FAM78B: variants seen among roughly 807,000 people sequenced by gnomAD.
FAM78B encodes the protein family with sequence similarity 78 member B, also known as protein FAM78B.
FAM78B carries 10 observed loss-of-function variants against 20.0 expected under a neutral mutation model. The ratio of observed to expected loss-of-function variants is 0.50; its 90% CI spans 0.31 to 0.85. FAM78B has a LOEUF of 0.85. FAM78B is among the 40% of genes least tolerant of loss of function. The pLI, the probability that FAM78B is intolerant of heterozygous loss-of-function variation, is 0.05. For missense variants in FAM78B, 283 were observed against 345.0 expected, an observed-to-expected ratio of 0.82 and a Z score of 1.42; for synonymous variants, 135 against 132.8, an observed-to-expected ratio of 1.02 and a Z score of -0.12.
intron 1 of FAM78B, among the ~76,000 whole-genome samples, chr1:166,107,991 C>A (rs1653853923): frequency 6.6e-6 from 1 of 152,090 alleles, no homozygotes; most frequent in South Asian, 2.1e-4. Context: ...AAGGGACATA[C>A]CTTAATGTAA....
chr1:166,130,287 C>G (rs1654824940), intron 1 of FAM78B, among the ~76,000 whole-genome samples: 1 of 152,244 alleles, frequency 6.6e-6, no homozygotes, highest in African/African-American at 2.4e-5. Context: ...AAGTCACTTG[C>G]TGGACCACAT....
chr1:166,069,837 G>C lies in FAM78B; in HGVS notation c.*404C>G. The C allele has an allele frequency of 3.2e-6, 1 of 310,218 alleles. No homozygotes were observed. Among genetic ancestry groups the C allele is most frequent in the Non-Finnish European group, 4.7e-6 (1 of 210,688 alleles). 19.2% of individuals were successfully genotyped at this position (310,218 alleles called of 1,614,324 possible). On this transcript the variant is annotated 3_prime_UTR_variant, in exon 2 of 2. Transcript: ENST00000354422. ...GCAGGAGTCTGTCTTACGACCACCTGGTGTGGATGTTTTCACTCCTACTTC... is the reference window on the plus strand; with the variant it reads ...GCAGGAGTCTGTCTTACGACCACCTCGTGTGGATGTTTTCACTCCTACTTC...
In FAM78B at chr1:166,071,321, T is replaced by C. The variant is rs188459449; in HGVS notation, c.264-558A>G. Among the ~76,000 whole-genome samples the C allele has an allele frequency of 1.6e-3, 243 of 152,376 alleles. 1 individual carries two copies. Among genetic ancestry groups the C allele is most frequent in the African/African-American group, 5.5e-3 (227 of 41,592 alleles). On this transcript the variant is annotated intron_variant, in intron 1 of 1. Transcript: ENST00000354422. ...CATCAGCCAATTCATCGCTTAGGCA[T>C]AGAAAATCATAACATGAGAAAATCA...
rs574704749 is a variant in FAM78B at position 166,131,014 on chromosome 1, G to C, written c.263+34972C>G. Among the ~76,000 whole-genome samples, 18 of 139,962 alleles carry C rather than the reference G, an allele frequency of 1.3e-4. No individual in the cohort carries two copies. In the East Asian group the frequency reaches 2.3e-3, roughly 18 times the overall value. The allele number at this position is 139,962 out of a possible 152,430, so 91.8% of individuals were successfully genotyped here. ...TTTTTTTTTTTTTTTTGATACAAGAGTCTTGTTCAACATGTTGCCCAGGCT... is the reference window on the plus strand; with the variant it reads ...TTTTTTTTTTTTTTTTGATACAAGACTCTTGTTCAACATGTTGCCCAGGCT... On this transcript the variant is annotated intron_variant, in intron 1 of 1. Coordinates refer to ENST00000354422, the MANE Select transcript of FAM78B (RefSeq NM_001017961.5).
Position 166,160,383 on chromosome 1 carries a change from C to G in FAM78B, c.263+5603G>C, listed in dbSNP as rs138465486. Among the ~76,000 whole-genome samples the G allele has an allele frequency of 1.5e-4, 23 of 152,318 alleles. 2 individuals are homozygous for G. Among genetic ancestry groups the G allele is most frequent in the African/African-American group, 4.8e-4 (20 of 41,576 alleles). On this transcript the variant is annotated intron_variant, in intron 1 of 1. Transcript: ENST00000354422. ...ACAACAAGGTCTCCTTGGGTACACA[C>G]TGAATGCCACTTTACAGCATGTAGG...
At chr1:166,135,480 C>T (rs1655035053) in intron 1 of FAM78B, among the ~76,000 whole-genome samples, 1 of 152,200 alleles carries the variant, frequency 6.6e-6, no homozygotes, top group Admixed American at 6.5e-5. Context: ...TCAGGATTTA[C>T]AATGAAAGCG....
In FAM78B at chr1:166,124,080, C is replaced by T. The variant is rs1314397074; in HGVS notation, c.263+41906G>A. 2.0e-5 allele frequency among the ~76,000 whole-genome samples: 3 copies of T among 152,278 alleles called. No homozygotes were observed. The East Asian group carries it at 5.8e-4, about 29-fold the overall frequency. On this transcript the variant is annotated intron_variant, in intron 1 of 1. Transcript: ENST00000354422. ...GCTTTGGCCTCATCACTCACTATGCCCCACCCCGAGGCTGCCACCATAGCA... is the reference window on the plus strand; with the variant it reads ...GCTTTGGCCTCATCACTCACTATGCTCCACCCCGAGGCTGCCACCATAGCA...
intron 1 of FAM78B, among the ~76,000 whole-genome samples, chr1:166,075,940 C>T (rs2101715606): frequency 6.6e-6 from 1 of 152,320 alleles, no homozygotes; most frequent in Non-Finnish European, 1.5e-5. Context: ...CTCTCACATT[C>T]CACATGCTAC....
rs927000526 is a variant in FAM78B, at chr1:166,165,953, G to A, written c.263+33C>T. 4 of 1,612,774 alleles carry A rather than the reference G, an allele frequency of 2.5e-6. No homozygotes were observed. In the African/African-American group the frequency reaches 5.3e-5, roughly 22 times the overall value. On this transcript the variant is annotated intron_variant, in intron 1 of 1. Coordinates refer to ENST00000354422, the MANE Select transcript of FAM78B (RefSeq NM_001017961.5). ...TGGCAAGCAGAGCTGGGGGCCCAGA[G>A]TCCGCTCCCGTGCCGCGCGGCGAGT...
At chr1:166,115,209 G>A (rs140134732) in intron 1 of FAM78B, among the ~76,000 whole-genome samples, 116 of 152,324 alleles carry the variant, frequency 7.6e-4, no homozygotes, top group African/African-American at 2.5e-3. Context: ...CATACTGGCC[G>A]GAGAAAGAGA....
At chr1:166,092,059 A>G (rs1007579007) in intron 1 of FAM78B, among the ~76,000 whole-genome samples, 3 of 151,564 alleles carry the variant, frequency 2.0e-5, no homozygotes, top group South Asian at 2.1e-4. Context: ...TTGCAAAACA[A>G]AAAGTGGGGG....
chr1:166,082,018 C>G (rs567912603), intron 1 of FAM78B, among the ~76,000 whole-genome samples: 5 of 152,202 alleles, frequency 3.3e-5, no homozygotes, highest in African/African-American at 7.2e-5. Flanking sequence ...CTCCTCTATC[C>G]GGGACCATGC....
chr1:166,112,392 T>C (rs1654089963), intron 1 of FAM78B, among the ~76,000 whole-genome samples: 1 of 152,136 alleles, frequency 6.6e-6, no homozygotes, highest in Non-Finnish European at 1.5e-5. Context: ...ACTAATCAGG[T>C]TTTTTAGGTC....
rs1385881526 is a variant in FAM78B at position 166,166,700 on chromosome 1, G to C, written c.-452C>G. ...GCCCGGTCTGTCTGCCTCCGCGGCG[G>C]CAGCAGCAGCAGCCGCCGCCGCCGC... On this transcript the variant is annotated 5_prime_UTR_variant, in exon 1 of 2. Coordinates refer to ENST00000354422, the MANE Select transcript of FAM78B (RefSeq NM_001017961.5). 1 of 149,424 alleles carries C rather than the reference G, an allele frequency of 6.7e-6. No individual in the cohort carries two copies. Among genetic ancestry groups the C allele is most frequent in the Non-Finnish European group, 1.5e-5 (1 of 66,886 alleles). The allele number at this position is 149,424 out of a possible 1,614,324, so 9.3% of individuals were successfully genotyped here.
chr1:166,131,767 AAAGT>A (rs1367236532), intron 1 of FAM78B, among the ~76,000 whole-genome samples: 2 of 152,188 alleles, frequency 1.3e-5, no homozygotes, highest in Admixed American at 6.5e-5. Flanking sequence ...TTTATGAAAA[AAAGT>A]AAGGTTACGT....
chr1:166,089,023 T>C (rs1214172406), intron 1 of FAM78B, among the ~76,000 whole-genome samples: 1 of 152,160 alleles, frequency 6.6e-6, no homozygotes, highest in East Asian at 1.9e-4. Flanking sequence ...TCCTCCAACA[T>C]GCCAGGCTCT....
intron 2 of FAM78B, among the ~76,000 whole-genome samples, chr1:166,063,126 C>T (rs547078722): frequency 6.6e-6 from 1 of 152,338 alleles, no homozygotes; most frequent in African/African-American, 2.4e-5. Context: ...AGGCATTTCC[C>T]CAGGTTCTGG....
intron 1 of FAM78B, among the ~76,000 whole-genome samples, chr1:166,125,988 T>C (rs892622536): frequency 1.3e-5 from 2 of 152,058 alleles, no homozygotes; most frequent in Non-Finnish European, 2.9e-5. Flanking sequence ...TGTACTACCA[T>C]GCCCAGCTAA....
intron 1 of FAM78B, among the ~76,000 whole-genome samples, chr1:166,149,168 G>A (rs1655586690): frequency 9.2e-5 from 14 of 152,192 alleles, no homozygotes; most frequent in Admixed American, 8.5e-4. Flanking sequence ...CCAGTAATGG[G>A]ATGGCTGGGT....
Sources: gnomAD v4.1 joint callset for allele counts (sites outside exome capture counted in the v4.1 genomes callset) on GRCh38, gnomAD v4.1.1 for gene constraint, MANE v1.5 for transcripts, NCBI Gene and HGNC (gene_info 2026-07-23, HGNC 2026-07-21) for gene names.